The following NID1 variants were observed in gnomAD, a reference collection of about 807,000 sequenced individuals.
NID1 encodes the protein nidogen 1.
NID1 carries 76 observed loss-of-function variants against 130.6 expected under a neutral mutation model. The observed-to-expected ratio is 0.58, with a 90% CI of 0.48 to 0.70. NID1 has a LOEUF of 0.70. NID1 is among the 30% of genes least tolerant of loss of function. NID1 has a pLI of 0.00. For missense variants in NID1, 1,517 were observed against 1,664.8 expected (o/e 0.91, Z 1.54); for synonymous variants, 665 against 675.1 (o/e 0.98, Z 0.23).
At chr1:235,998,276 G>A (rs947995819) in intron 12 of NID1, among the ~76,000 whole-genome samples, 3 of 152,176 alleles carry the variant, frequency 2.0e-5, no homozygotes, top group African/African-American at 7.2e-5. Context: ...ACAAAACCAT[G>A]CATGCTTTTC....
At chr1:235,997,914 C>T (rs1024860395) in intron 12 of NID1, among the ~76,000 whole-genome samples, 11 of 152,028 alleles carry the variant, frequency 7.2e-5, no homozygotes, top group Non-Finnish European at 1.6e-4. Context: ...GGCCTCAGTT[C>T]CATTACTTCT....
intron 8 of NID1, 37 bp downstream of exon 8, chr1:236,025,859 T>C (rs1346891470): frequency 6.3e-7 from 1 of 1,597,260 alleles, no homozygotes; most frequent in African/African-American, 1.3e-5. Context: ...TAAAAATGCA[T>C]GAGCACCTGT....
chr1:236,003,742 C>A (rs1658154437), intron 12 of NID1, among the ~76,000 whole-genome samples: 1 of 152,136 alleles, frequency 6.6e-6, no homozygotes, highest in Non-Finnish European at 1.5e-5. Flanking sequence ...TGATGGCAAG[C>A]ACCTGTAATC....
intron 1 of NID1, among the ~76,000 whole-genome samples, chr1:236,050,746 A>T (rs918569613): frequency 9.2e-5 from 14 of 152,128 alleles, no homozygotes; most frequent in Non-Finnish European, 1.5e-5. Flanking sequence ...AGACCAAGCC[A>T]GTGATAGTTT....
intron 11 of NID1, 91 bp from the exon 12 acceptor site, chr1:236,012,134 G>T: frequency 6.7e-7 from 1 of 1,496,226 alleles, no homozygotes; most frequent in East Asian, 2.3e-5. Context: ...TCAAATCTAT[G>T]GGAACCTGCT....
At position 235,980,668 on chromosome 1, in the gene NID1, A is replaced by G. The variant is rs192741635; in HGVS notation, c.3228-15T>C. 2.9e-4 allele frequency: 465 copies of G among 1,608,774 alleles called. 1 individual carries two copies. The East Asian group carries it at 9.0e-3, about 31-fold the overall frequency. On this transcript the variant is annotated splice_polypyrimidine_tract_variant and intron_variant, in intron 16 of 19. Coordinates refer to ENST00000264187, the MANE Select transcript of NID1 (RefSeq NM_002508.3). Reference sequence around the variant, plus strand: ...AGTAAAGGTTCCTGGAGGAGGAAAAAGGGGGGAAAGAGGAAAAGAAATAAT... The same window carrying G: ...AGTAAAGGTTCCTGGAGGAGGAAAAGGGGGGGAAAGAGGAAAAGAAATAAT...
Position 235,994,700 on chromosome 1 carries a change from CT to C in NID1, c.2528-829del, listed in dbSNP as rs11397466. Among the ~76,000 whole-genome samples, 108 of 142,116 alleles carry C rather than the reference CT, an allele frequency of 7.6e-4. 1 individual carries two copies. The highest frequency in any genetic ancestry group is 1.5e-3 in the African/African-American group (56 of 38,162). The allele number at this position is 142,116 out of a possible 152,430, so 93.2% of individuals were successfully genotyped here. ...TTATCATCTCAAACTTCTTCTTCTTCTTTTTTTTTTTTTTGAGACGGAGTCT... is the reference window on the plus strand; with the variant it reads ...TTATCATCTCAAACTTCTTCTTCTTCTTTTTTTTTTTTTGAGACGGAGTCT... On this transcript the variant is annotated intron_variant, in intron 12 of 19. Transcript: ENST00000264187.
intron 1 of NID1, chr1:236,064,596 G>A: frequency 4.3e-6 from 2 of 462,876 alleles, no homozygotes; most frequent in South Asian, 2.3e-5. Context: ...AGCTCCGCGG[G>A]GTCCATGGGT....
At chr1:236,002,903 A>G (rs983398469) in intron 12 of NID1, among the ~76,000 whole-genome samples, 7 of 152,002 alleles carry the variant, frequency 4.6e-5, no homozygotes, top group Non-Finnish European at 7.4e-5. Context: ...CAACTCCCCC[A>G]TTTGCCTGAC....
At chr1:236,008,157 G>T (rs1047955378) in intron 12 of NID1, among the ~76,000 whole-genome samples, 1 of 152,132 alleles carries the variant, frequency 6.6e-6, no homozygotes, top group African/African-American at 2.4e-5. Context: ...CTAGATTATT[G>T]TTTGCTATTT....
At chr1:236,029,512 C>T (rs762047125) in intron 7 of NID1, 38 bp downstream of exon 7, 12 of 1,537,216 alleles carry the variant, frequency 7.8e-6, no homozygotes, top group South Asian at 7.2e-5. Flanking sequence ...GGCTAGTGGC[C>T]GGTCTGGGGC....
chr1:236,064,626 G>A, intron 1 of NID1: 1 of 549,008 alleles, frequency 1.8e-6, no homozygotes, highest in Non-Finnish European at 3.3e-6. Flanking sequence ...ACGGCCCGGG[G>A]CGCGCGGAGC....
intron 12 of NID1, among the ~76,000 whole-genome samples, chr1:235,996,709 C>G (rs766329636): frequency 6.6e-6 from 1 of 152,160 alleles, no homozygotes; most frequent in Non-Finnish European, 1.5e-5. Context: ...TCCCAAAGTA[C>G]TGGGATTACA....
rs12032120 is a variant in NID1 at position 235,988,991 on chromosome 1, G to A, written c.2928+1895C>T. ...ATATTCTTAATACCACTTTCAACAG[G>A]TTTTTAAAAGATGGTGAATGTTTAT... On this transcript the variant is annotated intron_variant, in intron 14 of 19. Transcript: ENST00000264187. Among the ~76,000 whole-genome samples the A allele has an allele frequency of 5.4e-3, 817 of 150,366 alleles. 22 individuals are homozygous for A. The East Asian group carries it at 0.084, about 15-fold the overall frequency.
rs142884877 is a variant in NID1 at position 236,047,755 on chromosome 1, G to A, written c.525+935C>T. Among the ~76,000 whole-genome samples the A allele has an allele frequency of 2.0e-3, 311 of 152,142 alleles. 2 individuals carry two copies. Among genetic ancestry groups the A allele is most frequent in the African/African-American group, 6.7e-3 (276 of 41,500 alleles). On this transcript the variant is annotated intron_variant, in intron 2 of 19. Coordinates refer to ENST00000264187, the MANE Select transcript of NID1 (RefSeq NM_002508.3). ...AGAAACTATCCTTCCAGCCGGGCTC[G>A]GTGGCACACACCTGTAATCCCAGCA...
In NID1 at chr1:235,977,645, G is replaced by A. The variant is rs1657307333; in HGVS notation, c.*222C>T. 3.8e-6 allele frequency: 2 copies of A among 525,918 alleles called. No homozygotes were observed. The highest frequency in any genetic ancestry group is 6.8e-6 in the Non-Finnish European group (2 of 292,016). The allele number at this position is 525,918 out of a possible 1,614,324, so 32.6% of individuals were successfully genotyped here. ...GTCTGTCTGAGGGTTGGGGGTAGGGGTGGAGGGTTCTGTCCTTGTGTAGGG... is the reference window on the plus strand; with the variant it reads ...GTCTGTCTGAGGGTTGGGGGTAGGGATGGAGGGTTCTGTCCTTGTGTAGGG... On this transcript the variant is annotated 3_prime_UTR_variant, in exon 20 of 20. Transcript: ENST00000264187.
chr1:236,006,187 C>A (rs1658243147), intron 12 of NID1, among the ~76,000 whole-genome samples: 1 of 152,124 alleles, frequency 6.6e-6, no homozygotes, highest in African/African-American at 2.4e-5. Context: ...ATTTTGCTCC[C>A]CCCCATTAGA....
chr1:235,991,556 C>A (rs569278831), intron 13 of NID1, among the ~76,000 whole-genome samples: 1 of 152,262 alleles, frequency 6.6e-6, no homozygotes, highest in Admixed American at 6.5e-5. Context: ...TGGTCTCGAA[C>A]TCCTGACCTC....
chr1:236,017,712 A>G (rs536894657), intron 9 of NID1, among the ~76,000 whole-genome samples: 27 of 152,318 alleles, frequency 1.8e-4, no homozygotes, highest in African/African-American at 6.5e-4. Flanking sequence ...TATCAAAAGT[A>G]GTGTTAAATA....
Sources: gnomAD v4.1 joint callset for allele counts (sites outside exome capture counted in the v4.1 genomes callset) on GRCh38, gnomAD v4.1.1 for gene constraint, MANE v1.5 for transcripts, NCBI Gene and HGNC (gene_info 2026-07-23, HGNC 2026-07-21) for gene names.